The following IL17RD variants were observed in gnomAD, a reference collection of about 807,000 sequenced individuals.
IL17RD encodes the protein interleukin-17 receptor D.
A neutral mutation model predicts 80.5 loss-of-function variants in IL17RD; 52 were observed. The observed-to-expected ratio is 0.65, with a 90% CI of 0.52 to 0.81. The LOEUF (loss-of-function observed/expected upper bound fraction) is 0.81. Ranked by LOEUF, IL17RD falls within the 40% of genes least tolerant of loss-of-function variation. IL17RD has a pLI of 0.00. For missense variants in IL17RD, 1,024 were observed against 955.1 expected (o/e 1.07, Z -0.95); for synonymous variants, 416 against 391.8 (o/e 1.06, Z -0.73).
chr3:57,114,915 C>A, intron 2 of IL17RD, 98 bp from the exon 3 acceptor site: 2 of 957,422 alleles, frequency 2.1e-6, no homozygotes, highest in Non-Finnish European at 2.9e-6. Flanking sequence ...TGAAGGTGGC[C>A]AAATCCATTC....
upstream of IL17RD, among the ~76,000 whole-genome samples, chr3:57,165,839 G>C (rs1437957592): frequency 6.6e-6 from 1 of 152,040 alleles, no homozygotes; most frequent in African/African-American, 2.4e-5. Context: ...CAAAAGGCTT[G>C]CTGTCTCCAC....
At chr3:57,164,373 A>G (rs2060330524) in intron 1 of IL17RD, among the ~76,000 whole-genome samples, 1 of 152,172 alleles carries the variant, frequency 6.6e-6, no homozygotes, top group South Asian at 2.1e-4. Context: ...CATCGCCCAG[A>G]CAGTGTCAAA....
At chr3:57,115,166 T>G (rs35471657) in intron 2 of IL17RD, among the ~76,000 whole-genome samples, 31,026 of 152,178 alleles carry the variant, frequency 0.2, 3,708 homozygotes, top group Non-Finnish European at 0.28. Context: ...CAACCAATTT[T>G]CAGCATTAAA....
chr3:57,122,275 G>C (rs57230558), intron 1 of IL17RD, among the ~76,000 whole-genome samples: 4,737 of 152,304 alleles, frequency 0.031, 234 homozygotes, highest in African/African-American at 0.11. Flanking sequence ...GTAACATCAT[G>C]GGAGGAAAAG....
At chr3:57,149,517 T>C (rs762831482) in intron 1 of IL17RD, among the ~76,000 whole-genome samples, 2 of 152,244 alleles carry the variant, frequency 1.3e-5, no homozygotes, top group Non-Finnish European at 2.9e-5. Context: ...CAAAGCTCCA[T>C]GATATCACCA....
rs1706871777 is a variant in IL17RD, at chr3:57,103,023, T to C, written c.868+68A>G. Reference sequence around the variant, plus strand: ...TGTTTTGTTTCTGTAAATCATGAAGTACAGAGAGTATCACATACCTTGGTC... The same window carrying C: ...TGTTTTGTTTCTGTAAATCATGAAGCACAGAGAGTATCACATACCTTGGTC... On this transcript the variant is annotated intron_variant, in intron 9 of 12. Coordinates refer to ENST00000296318, the MANE Select transcript of IL17RD (RefSeq NM_017563.5). 4 of 1,101,522 alleles carry C rather than the reference T, an allele frequency of 3.6e-6. No homozygotes were observed. In the Admixed American group the frequency reaches 8.6e-5, roughly 24 times the overall value. 68.2% of individuals were successfully genotyped at this position (1,101,522 alleles called of 1,614,324 possible).
Position 57,097,919 on chromosome 3 carries a change from G to C in IL17RD, c.1784C>G (p.Pro595Arg). The change falls in exon 12 of 13, where the codon CCA (proline) becomes CGA (arginine). Residue 595 changes from proline to arginine, a missense_variant. Coordinates refer to ENST00000296318, the MANE Select transcript of IL17RD (RefSeq NM_017563.5). ...GLVLNDVMCK[P>R]GPESDFCLKV... The stretch of plus-strand genomic sequence containing the variant: ...TAGGCAGAAGTCACTCTCAGGCCCT[G>C]GTTTGCACATGACATCATTTAAAAC... 6.2e-7 allele frequency: 1 copy of C among 1,614,014 alleles called. No individual in the cohort carries two copies.
chr3:57,103,173 T>A (rs1706876549), intron 8 of IL17RD, 28 bp from the exon 9 acceptor site: 2 of 1,576,770 alleles, frequency 1.3e-6, no homozygotes. Flanking sequence ...CTGCATTATT[T>A]TTTTTTAAAG....
intron 3 of IL17RD, among the ~76,000 whole-genome samples, chr3:57,112,802 C>T (rs763959328): frequency 6.6e-6 from 1 of 152,140 alleles, no homozygotes; most frequent in Admixed American, 6.6e-5. Context: ...TATCCTGTTC[C>T]GATTAAGAAA....
chr3:57,125,845 C>A (rs1187755974), intron 1 of IL17RD, among the ~76,000 whole-genome samples: 2 of 152,196 alleles, frequency 1.3e-5, no homozygotes, highest in Non-Finnish European at 2.9e-5. Flanking sequence ...AGGAGGACAG[C>A]CCTCAAAACC....
chr3:57,117,401 A>G (rs1188850119), intron 2 of IL17RD, among the ~76,000 whole-genome samples: 1 of 152,228 alleles, frequency 6.6e-6, no homozygotes, highest in East Asian at 1.9e-4. Context: ...GGCATGAGCC[A>G]CTGTGCCCAG....
At position 57,093,034 on chromosome 3, in the gene IL17RD, A is replaced by G. The variant is rs937809547; in HGVS notation, c.*3359T>C. 1 of 152,216 alleles carries G rather than the reference A, an allele frequency of 6.6e-6. No homozygotes were observed. Among genetic ancestry groups the G allele is most frequent in the African/African-American group, 2.4e-5 (1 of 41,460 alleles). The allele number at this position is 152,216 out of a possible 1,614,324, so 9.4% of individuals were successfully genotyped here. ...TTCTTGAAAAATGGGAAGATCAGGA[A>G]GTACTTCATGGCCACAGTCGACTGG... is the stretch of plus-strand genomic sequence containing the variant. On this transcript the variant is annotated 3_prime_UTR_variant, in exon 13 of 13. Transcript: ENST00000296318.
At chr3:57,131,375 G>A (rs1707605717) in intron 1 of IL17RD, among the ~76,000 whole-genome samples, 1 of 152,192 alleles carries the variant, frequency 6.6e-6, no homozygotes, top group African/African-American at 2.4e-5. Context: ...CCTGCCTTAA[G>A]AAGGGTGAAA....
chr3:57,149,294 C>CT (rs1368586836), intron 1 of IL17RD, among the ~76,000 whole-genome samples: 1 of 140,050 alleles, frequency 7.1e-6, no homozygotes, highest in African/African-American at 2.9e-5. Context: ...GAAACTCCAT[C>CT]TCAAAAAAAA....
chr3:57,144,655 C>T (rs1707891780), intron 1 of IL17RD, among the ~76,000 whole-genome samples: 1 of 152,152 alleles, frequency 6.6e-6, no homozygotes, highest in African/African-American at 2.4e-5. Flanking sequence ...TTATCATATC[C>T]AGGGATCATC....
intron 9 of IL17RD, 71 bp from the exon 10 acceptor site, chr3:57,102,660 C>G: frequency 1.4e-6 from 1 of 710,710 alleles, no homozygotes; most frequent in South Asian, 2.6e-5. Context: ...AACTTTTTTT[C>G]TTTTTAAACA....
intron 11 of IL17RD, among the ~76,000 whole-genome samples, chr3:57,100,141 T>C (rs1006399267): frequency 1.3e-5 from 2 of 152,194 alleles, no homozygotes; most frequent in African/African-American, 4.8e-5. Flanking sequence ...TAAATACTTG[T>C]GAAGTAGAGC....
At chr3:57,153,007 C>G (rs2060239734) in intron 1 of IL17RD, among the ~76,000 whole-genome samples, 1 of 152,190 alleles carries the variant, frequency 6.6e-6, no homozygotes, top group South Asian at 2.1e-4. Flanking sequence ...ATAACTGCAA[C>G]AAGCCCATGT....
intron 1 of IL17RD, among the ~76,000 whole-genome samples, chr3:57,154,275 T>TACACACACACACACACAC (rs1406507943): frequency 8.6e-5 from 11 of 128,556 alleles, no homozygotes; most frequent in African/African-American, 3.9e-4. Context: ...TATATATATA[T>TACACACACACACACACAC]ATATATATAC....
Sources: allele counts gnomAD v4.1 joint callset (sites outside exome capture counted in the v4.1 genomes callset), GRCh38; gene constraint gnomAD v4.1.1; transcripts MANE v1.5; gene names NCBI Gene and HGNC (gene_info 2026-07-23, HGNC 2026-07-21).